TRPC6: variants seen among roughly 807,000 people sequenced by gnomAD.
TRPC6 encodes the protein short transient receptor potential channel 6.
A neutral mutation model predicts 90.7 loss-of-function variants in TRPC6; 55 were observed. The observed-to-expected ratio is 0.61, with a 90% CI of 0.49 to 0.76. TRPC6 has a LOEUF of 0.76. Among genes scored for constraint, TRPC6 ranks in the 30% least tolerant of loss-of-function variants. The pLI, the probability that TRPC6 is intolerant of heterozygous loss-of-function variation, is 0.00. For missense variants in TRPC6, 989 were observed against 1,122.7 expected, an observed-to-expected ratio of 0.88 and a Z score of 1.70; for synonymous variants, 393 against 393.0, an observed-to-expected ratio of 1.00 and a Z score of 0.00.
At chr11:101,523,559 T>A (rs959268103) in intron 1 of TRPC6, among the ~76,000 whole-genome samples, 1 of 152,200 alleles carries the variant, frequency 6.6e-6, no homozygotes, top group African/African-American at 2.4e-5. Context: ...ACACTAAACT[T>A]TGTAGACTAA....
At chr11:101,488,809 G>A in intron 4 of TRPC6, 128 bp downstream of exon 4, 2 of 1,034,980 alleles carry the variant, frequency 1.9e-6, no homozygotes, top group South Asian at 1.4e-5. Context: ...ATTTTGTAAT[G>A]TTAAAAACAA....
In TRPC6 at chr11:101,583,360, C is replaced by A. The variant is rs1485811675; in HGVS notation, c.144G>T (p.Leu48=). ...LGEDGCPQAP[L]PCYGYYPCFR... ...AGCAGGGGTAGTAGCCGTAGCAAGGCAGCGGGGCTTGCGGGCAGCCGTCTT... is the reference window on the plus strand; with the variant it reads ...AGCAGGGGTAGTAGCCGTAGCAAGGAAGCGGGGCTTGCGGGCAGCCGTCTT... The change falls in exon 1 of 13, where the codon CTG becomes CTT. Residue 48 remains leucine, a synonymous_variant. Coordinates refer to ENST00000344327, the MANE Select transcript of TRPC6 (RefSeq NM_004621.6). The A allele has an allele frequency of 3.8e-5, 60 of 1,594,848 alleles. No individual in the cohort carries two copies. The highest frequency in any genetic ancestry group is 4.6e-5 in the Non-Finnish European group (54 of 1,171,100).
intron 2 of TRPC6, among the ~76,000 whole-genome samples, chr11:101,499,807 A>ATT (rs1860059317): frequency 1.0e-5 from 1 of 99,758 alleles, no homozygotes; most frequent in African/African-American, 4.3e-5. Context: ...ATATATACAC[A>ATT]GTATAAAATG....
chr11:101,528,432 T>C (rs982238832), intron 1 of TRPC6, among the ~76,000 whole-genome samples: 1 of 152,214 alleles, frequency 6.6e-6, no homozygotes, highest in Non-Finnish European at 1.5e-5. Flanking sequence ...AAGCTTAATA[T>C]ATACAATATG....
Position 101,536,248 on chromosome 11 carries a change from TTGG to T in TRPC6, c.171-31453_171-31451del, listed in dbSNP as rs1288272553. On this transcript the variant is annotated intron_variant, in intron 1 of 12. Transcript: ENST00000344327. ...CTAAAAATACAAAAGTTAGCCAGGC[TTGG>T]TGGTTCATGCCTGTAATCCCAGCTA... Among the ~76,000 whole-genome samples, 8 of 152,182 alleles carry T rather than the reference TTGG, an allele frequency of 5.3e-5. No homozygotes were observed. In the East Asian group the frequency reaches 1.6e-3, roughly 30 times the overall value.
At chr11:101,531,740 G>A (rs1438096379) in intron 1 of TRPC6, among the ~76,000 whole-genome samples, 1 of 152,136 alleles carries the variant, frequency 6.6e-6, no homozygotes, top group Admixed American at 6.6e-5. Context: ...CACATCCATT[G>A]TTCCCACTTC....
chr11:101,513,983 CTA>C (rs1254506285), intron 1 of TRPC6, among the ~76,000 whole-genome samples: 1 of 152,192 alleles, frequency 6.6e-6, no homozygotes, highest in Non-Finnish European at 1.5e-5. Flanking sequence ...AGGTTTCACT[CTA>C]TATGTGACTG....
chr11:101,476,113 G>T (rs532449095), intron 6 of TRPC6, among the ~76,000 whole-genome samples, 188 bp downstream of exon 6: 1 of 152,202 alleles, frequency 6.6e-6, no homozygotes, highest in Non-Finnish European at 1.5e-5. Context: ...GTTTTCCAGG[G>T]AGTAGAAAAA....
At chr11:101,503,374 T>C (rs563655377) in intron 2 of TRPC6, among the ~76,000 whole-genome samples, 21 of 152,344 alleles carry the variant, frequency 1.4e-4, no homozygotes, top group African/African-American at 5.1e-4. Context: ...ATTCTCTGCC[T>C]TCCAAAATCC....
chr11:101,582,437 G>A (rs1862218044), intron 1 of TRPC6, among the ~76,000 whole-genome samples: 2 of 152,074 alleles, frequency 1.3e-5, no homozygotes, highest in Non-Finnish European at 2.9e-5. Flanking sequence ...TCACCCAAAG[G>A]GGCAATGGGA....
chr11:101,535,385 A>C lies in TRPC6; in HGVS notation c.171-30587T>G, dbSNP rs549449414. On this transcript the variant is annotated intron_variant, in intron 1 of 12. Transcript: ENST00000344327. ...TAGTTACTAGCCCACTTATTCCCTA[A>C]TCTTATTATTATTTTTTTTTTTTGC... 2.3e-3 allele frequency among the ~76,000 whole-genome samples: 273 copies of C among 116,446 alleles called. 1 individual carries two copies. The highest frequency in any genetic ancestry group is 7.6e-3 in the African/African-American group (267 of 35,092). The allele number at this position is 116,446 out of a possible 152,430, so 76.4% of individuals were successfully genotyped here.
In TRPC6 at chr11:101,499,953, G is replaced by GTA. The variant is rs71056614; in HGVS notation, c.945+4069_945+4070dup. Among the ~76,000 whole-genome samples, 2 of 84,986 alleles carry GTA rather than the reference G, an allele frequency of 2.4e-5. 1 individual carries two copies. Among genetic ancestry groups the GTA allele is most frequent in the Admixed American group, 2.3e-4 (2 of 8,706 alleles). 55.8% of individuals were successfully genotyped at this position (84,986 alleles called of 152,430 possible). ...TATATATATACACAGTATAAAATGTGTATATATATACACAGTATAAAATGT... is the reference window on the plus strand; with the variant it reads ...TATATATATACACAGTATAAAATGTGTATATATATATACACAGTATAAAATGT... On this transcript the variant is annotated intron_variant, in intron 2 of 12. Transcript: ENST00000344327.
intron 1 of TRPC6, among the ~76,000 whole-genome samples, chr11:101,544,273 C>A (rs1381277410): frequency 6.6e-6 from 1 of 152,210 alleles, no homozygotes; most frequent in Non-Finnish European, 1.5e-5. Context: ...CCCTCTTACA[C>A]TGTTGGTGGC....
chr11:101,526,625 G>C (rs1860784749), intron 1 of TRPC6, among the ~76,000 whole-genome samples: 1 of 151,928 alleles, frequency 6.6e-6, no homozygotes, highest in Non-Finnish European at 1.5e-5. Flanking sequence ...CACTTTGGGA[G>C]GCCGAGGCAG....
chr11:101,542,289 G>C (rs1319154636), intron 1 of TRPC6, among the ~76,000 whole-genome samples: 2 of 152,200 alleles, frequency 1.3e-5, no homozygotes, highest in Non-Finnish European at 2.9e-5. Flanking sequence ...ATTATAAATA[G>C]GGTGCTAATT....
rs200869151 is a variant in TRPC6 at position 101,491,833 on chromosome 11, A to ATTTTTTTTTTTTTT, written c.946-96_946-95insAAAAAAAAAAAAAA. 123 of 782,308 alleles carry ATTTTTTTTTTTTTT rather than the reference A, an allele frequency of 1.6e-4. 14 individuals are homozygous for ATTTTTTTTTTTTTT. The African/African-American group carries it at 2.9e-3, about 18-fold the overall frequency. 48.5% of individuals were successfully genotyped at this position (782,308 alleles called of 1,614,324 possible). On this transcript the variant is annotated intron_variant, in intron 2 of 12. Coordinates refer to ENST00000344327, the MANE Select transcript of TRPC6 (RefSeq NM_004621.6). ...AAGGATTTTATACTTTAAGAGAAAC[A>ATTTTTTTTTTTTTT]TTCTTTTTTTTTTTTTTTTTTTTTT...
Position 101,453,661 on chromosome 11 carries a change from T to G in TRPC6, c.2633A>C (p.Glu878Ala), listed in dbSNP as rs1436329586. The part of the protein sequence containing the change: ...LQAQIDKESD[E>A]VNEGELKEIK... ...TGCGTTCAACTCACCTTCGTTCACTTCATCACTCTCCTTATCTATCTGGGC... is the reference window on the plus strand; with the variant it reads ...TGCGTTCAACTCACCTTCGTTCACTGCATCACTCTCCTTATCTATCTGGGC... Residue 878 changes from glutamate to alanine, a missense_variant, in exon 12 of 13, where the codon GAA becomes GCA. Around this residue, in one of 4 missense-constraint regions of TRPC6, gnomAD observed 191 missense variants for 196.7 expected, o/e 0.97. Transcript: ENST00000344327. 6.2e-7 allele frequency: 1 copy of G among 1,613,974 alleles called. No individual in the cohort carries two copies. Among genetic ancestry groups the G allele is most frequent in the South Asian group, 1.1e-5 (1 of 91,080 alleles).
At chr11:101,534,544 C>T (rs1478051102) in intron 1 of TRPC6, among the ~76,000 whole-genome samples, 1 of 151,660 alleles carries the variant, frequency 6.6e-6, no homozygotes, top group Non-Finnish European at 1.5e-5. Flanking sequence ...CAAATGAATT[C>T]ACCTAGAATT....
chr11:101,520,226 A>C (rs1193390799), intron 1 of TRPC6, among the ~76,000 whole-genome samples: 1 of 151,854 alleles, frequency 6.6e-6, no homozygotes, highest in African/African-American at 2.4e-5. Flanking sequence ...GGTTGTTTAT[A>C]AGTGTGTCTC....
Sources: allele counts gnomAD v4.1 joint callset (sites outside exome capture counted in the v4.1 genomes callset), GRCh38; gene constraint gnomAD v4.1.1; regional missense constraint gnomAD v4.1.1; transcripts MANE v1.5; gene names NCBI Gene and HGNC (gene_info 2026-07-23, HGNC 2026-07-21).